Variants in BICRA observed in about 807,000 individuals in gnomAD.
BICRA encodes BRD4-interacting chromatin-remodeling complex-associated protein.
A neutral mutation model predicts 96.9 loss-of-function variants in BICRA; 31 were observed. The ratio of observed to expected loss-of-function variants is 0.32; its 90% confidence interval spans 0.24 to 0.43. The LOEUF (loss-of-function observed/expected upper bound fraction) is 0.43, where lower values mean the gene tolerates loss of function less well. Ranked by LOEUF, BICRA falls within the 20% of genes least tolerant of loss-of-function variation. The pLI is 1.00. For synonymous variants in BICRA, 1,350 were observed against 1,071.8 expected, an observed-to-expected ratio of 1.26 and a Z score of -5.07; for missense variants, 2,283 against 2,190.3, an observed-to-expected ratio of 1.04 and a Z score of -0.84.
chr19:47,644,482 CCCTTCCCCTACCCCTTCA>C (rs1972430449), intron 1 of BICRA, among the ~76,000 whole-genome samples: 2 of 135,810 alleles, frequency 1.5e-5, no homozygotes, highest in Admixed American at 1.5e-4. Context: ...CTACCCCTTC[CCCTTCCCCTACCCCTTCA>C]CCTTCCTTTT....
Position 47,698,581 on chromosome 19 carries a change from A to AC in BICRA, c.3249-50dup. 9.5e-6 allele frequency: 7 copies of AC among 740,220 alleles called. No individual in the cohort carries two copies. The highest frequency in any genetic ancestry group is 5.2e-5 in the East Asian group (2 of 38,546). The allele number at this position is 740,220 out of a possible 1,614,324, so 45.9% of individuals were successfully genotyped here. A position where few individuals can be genotyped will look rare whatever the true frequency, so the allele number is the denominator to read the frequency against. On this transcript the variant is annotated intron_variant, in intron 11 of 14. Coordinates refer to ENST00000594866, the MANE Select transcript of BICRA (RefSeq NM_001394372.1). This position sits in a 1 kb window ranked among gnomAD's most constrained non-coding sequence, Gnocchi z 4.8. The stretch of plus-strand genomic sequence containing the variant: ...GGTTCAGGGACTTCCCCTGGCCCTC[A>AC]CCCGTCCCCCCCACCCTCCGCCGTG...
intron 1 of BICRA, among the ~76,000 whole-genome samples, chr19:47,647,979 C>T (rs1016825933): frequency 1.3e-5 from 2 of 151,608 alleles, no homozygotes; most frequent in Non-Finnish European, 2.9e-5. Context: ...ATTTCCTGGG[C>T]GGGAACTACT....
intron 11 of BICRA, among the ~76,000 whole-genome samples, chr19:47,697,958 C>A (rs1027777387): frequency 3.0e-4 from 45 of 152,190 alleles, no homozygotes; most frequent in Admixed American, 1.3e-4. Flanking sequence ...CCTTCTGCCT[C>A]GGCCCCGCAA....
intron 1 of BICRA, among the ~76,000 whole-genome samples, chr19:47,611,106 C>T (rs59956501): frequency 0.11 from 16,692 of 149,406 alleles, 975 homozygotes; most frequent in East Asian, 0.21. Flanking sequence ...CAGGGTCACA[C>T]AGCCCTGGGT....
At chr19:47,639,918 A>C (rs1280308148) in intron 1 of BICRA, among the ~76,000 whole-genome samples, 2 of 152,110 alleles carry the variant, frequency 1.3e-5, no homozygotes, top group African/African-American at 4.8e-5. Context: ...TGTTGAGATT[A>C]CAGGCGTGAG....
intron 1 of BICRA, among the ~76,000 whole-genome samples, chr19:47,644,364 C>G (rs1395630677): frequency 6.6e-6 from 1 of 151,744 alleles, no homozygotes; most frequent in African/African-American, 2.4e-5. Flanking sequence ...CATTTCCTTT[C>G]TTTTATTTTC....
chr19:47,678,564 C>T (rs1972975685), intron 5 of BICRA, among the ~76,000 whole-genome samples: 1 of 152,096 alleles, frequency 6.6e-6, no homozygotes, highest in Non-Finnish European at 1.5e-5. Context: ...CCACCACCAG[C>T]GGCTTTCCTG....
chr19:47,638,863 C>T (rs1468539597), intron 1 of BICRA, among the ~76,000 whole-genome samples: 1 of 152,092 alleles, frequency 6.6e-6, no homozygotes, highest in Non-Finnish European at 1.5e-5. Context: ...CCATGTTGGC[C>T]AGGCTGGTCT....
intron 1 of BICRA, among the ~76,000 whole-genome samples, chr19:47,664,722 GGT>G (rs1972750931): frequency 6.6e-6 from 1 of 152,232 alleles, no homozygotes; most frequent in African/African-American, 2.4e-5. Context: ...AGTGGTCCGT[GGT>G]GGCAGAGGCT....
At chr19:47,661,186 C>A (rs1416448382) in intron 1 of BICRA, among the ~76,000 whole-genome samples, 2 of 128,656 alleles carry the variant, frequency 1.6e-5, no homozygotes, top group East Asian at 5.2e-4. Flanking sequence ...TGCACACCAG[C>A]CTGGGTGACT....
At chr19:47,696,146 G>A (rs1403702687) in intron 10 of BICRA, among the ~76,000 whole-genome samples, 1 of 152,126 alleles carries the variant, frequency 6.6e-6, no homozygotes, top group Admixed American at 6.5e-5. Context: ...GTGGGAAGCA[G>A]GCATCCGGCA....
At chr19:47,696,861 AG>A (rs1973352257) in intron 11 of BICRA, among the ~76,000 whole-genome samples, 1 of 147,584 alleles carries the variant, frequency 6.8e-6, no homozygotes, top group African/African-American at 2.5e-5. Context: ...GGGGGAAGTG[AG>A]TGGGTGGACA....
intron 11 of BICRA, among the ~76,000 whole-genome samples, chr19:47,696,809 C>T (rs1039312660): frequency 1.3e-5 from 2 of 151,426 alleles, no homozygotes; most frequent in Admixed American, 6.6e-5. Flanking sequence ...ACGGCTGGGC[C>T]GCGTCGGTGC....
rs1207127945 is a variant in BICRA, at chr19:47,631,451, CT to C, written c.-108+22284del. ...CCATATTGGTCAGGCTGGTCTCGAA[CT>C]CCTGACCTCAGGTGATCTGCCCTCC... is the stretch of plus-strand genomic sequence containing the variant. On this transcript the variant is annotated intron_variant, in intron 1 of 14. Transcript: ENST00000594866. 2.0e-5 allele frequency among the ~76,000 whole-genome samples: 3 copies of C among 151,998 alleles called. No homozygotes were observed. The East Asian group carries it at 5.9e-4, about 30-fold the overall frequency.
intron 14 of BICRA, chr19:47,700,594 G>A (rs1190851507): frequency 1.3e-5 from 2 of 152,182 alleles, no homozygotes; most frequent in African/African-American, 4.8e-5. Flanking sequence ...AGGAGTGTGA[G>A]ACCAGACTGG....
chr19:47,642,516 A>G (rs371821992), intron 1 of BICRA, among the ~76,000 whole-genome samples: 1 of 152,124 alleles, frequency 6.6e-6, no homozygotes, highest in Non-Finnish European at 1.5e-5. Flanking sequence ...GCCTGGGAAC[A>G]TGGCAAAACC....
chr19:47,611,676 G>A (rs1009954956), intron 1 of BICRA, among the ~76,000 whole-genome samples: 4 of 152,184 alleles, frequency 2.6e-5, no homozygotes, highest in African/African-American at 7.2e-5. Context: ...TCCTTGGCAT[G>A]ATCCACTCTG....
chr19:47,649,266 A>G (rs963660030), intron 1 of BICRA, among the ~76,000 whole-genome samples: 1 of 152,180 alleles, frequency 6.6e-6, no homozygotes, highest in Non-Finnish European at 1.5e-5. Flanking sequence ...GATTACAGGC[A>G]TGAGCCACTG....
At chr19:47,667,001 G>A (rs549236431) in intron 1 of BICRA, among the ~76,000 whole-genome samples, 5 of 151,526 alleles carry the variant, frequency 3.3e-5, no homozygotes, top group African/African-American at 1.2e-4. Flanking sequence ...TCCCCAGGAA[G>A]TTCCCGTTCA....
Sources: gnomAD v4.1 joint callset for allele counts (sites outside exome capture counted in the v4.1 genomes callset) on GRCh38, gnomAD v4.1.1 for gene constraint, Gnocchi (gnomAD v3.1) non-coding constraint, MANE v1.5 for transcripts, NCBI Gene and HGNC (gene_info 2026-07-23, HGNC 2026-07-21) for gene names.